Variants in EEA1 observed in about 807,000 individuals in gnomAD.
EEA1 encodes early endosome antigen 1, 162kD.
EEA1 carries 111 observed loss-of-function variants against 209.2 expected under a neutral mutation model. The ratio of observed to expected loss-of-function variants is 0.53; its 90% CI spans 0.45 to 0.62. The LOEUF (loss-of-function observed/expected upper bound fraction) is 0.62, where lower values mean the gene tolerates loss of function less well. EEA1 is among the 20% of genes least tolerant of loss of function. EEA1 has a pLI of 0.00. For synonymous variants in EEA1, 536 were observed against 540.6 expected (o/e 0.99, Z 0.12); for missense variants, 1,343 against 1,530.8 (o/e 0.88, Z 2.05).
intron 1 of EEA1, among the ~76,000 whole-genome samples, chr12:92,904,650 C>CCT (rs1016213357): frequency 1.3e-5 from 2 of 152,192 alleles, no homozygotes; most frequent in African/African-American, 4.8e-5. Context: ...TCACAACTCC[C>CCT]CTCCTCAGGT....
rs192101586 is a variant in EEA1, at chr12:92,851,691, A to G, written c.643-425T>C. The stretch of plus-strand genomic sequence containing the variant: ...TTTATATATTTATTGAGAGCTAAAT[A>G]AAGGAAAGAAAGTCAAGGACAGATC... On this transcript the variant is annotated intron_variant, in intron 8 of 28. Coordinates refer to ENST00000322349, the MANE Select transcript of EEA1 (RefSeq NM_003566.4). 1.1e-4 allele frequency among the ~76,000 whole-genome samples: 17 copies of G among 152,306 alleles called. No individual in the cohort carries two copies. In the Middle Eastern group the frequency reaches 0.01, roughly 91 times the overall value.
At position 92,850,122 on chromosome 12, in the gene EEA1, A is replaced by G. The variant is rs185107336; in HGVS notation, c.798+989T>C. ...TTTATCTTGGAAGAGAAATACTCCGAATAAATATGAGCAGTCTTCAAATAC... is the reference window on the plus strand; with the variant it reads ...TTTATCTTGGAAGAGAAATACTCCGGATAAATATGAGCAGTCTTCAAATAC... On this transcript the variant is annotated intron_variant, in intron 9 of 28. Coordinates refer to ENST00000322349, the MANE Select transcript of EEA1 (RefSeq NM_003566.4). 2.8e-3 allele frequency among the ~76,000 whole-genome samples: 430 copies of G among 152,370 alleles called. 2 individuals carry two copies. The highest frequency in any genetic ancestry group is 5.1e-3 in the Non-Finnish European group (347 of 68,040).
At chr12:92,902,947 T>C (rs1005776123) in intron 1 of EEA1, among the ~76,000 whole-genome samples, 1 of 151,406 alleles carries the variant, frequency 6.6e-6, no homozygotes, top group East Asian at 2.0e-4. Context: ...TTTTTTTTTT[T>C]TTTTTGAGAC....
intron 10 of EEA1, 93 bp downstream of exon 10, chr12:92,842,372 G>T: frequency 1.5e-6 from 1 of 668,722 alleles, no homozygotes; most frequent in Non-Finnish European, 2.6e-6. Flanking sequence ...AAGTCACATT[G>T]TACTATGCCA....
intron 21 of EEA1, 34 bp from the exon 22 acceptor site, chr12:92,788,083 C>A: frequency 1.4e-6 from 2 of 1,452,280 alleles, no homozygotes; most frequent in South Asian, 1.6e-5. Flanking sequence ...AAACAGTATG[C>A]ATTCCAAAAA....
chr12:92,888,941 G>C (rs1047711881), intron 2 of EEA1, among the ~76,000 whole-genome samples: 3 of 152,090 alleles, frequency 2.0e-5, no homozygotes, highest in Admixed American at 1.3e-4. Flanking sequence ...CTTGAGGTCA[G>C]AAGTTCGAGA....
At chr12:92,851,406 A>T in intron 8 of EEA1, 140 bp from the exon 9 acceptor site, 1 of 789,616 alleles carries the variant, frequency 1.3e-6, no homozygotes, top group Non-Finnish European at 2.0e-6. Context: ...TTGAACACTG[A>T]TATCTTCTCC....
intron 21 of EEA1, among the ~76,000 whole-genome samples, chr12:92,791,660 C>T (rs958992328): frequency 6.6e-6 from 1 of 152,082 alleles, no homozygotes; most frequent in Admixed American, 6.5e-5. Context: ...CCTAGACTCC[C>T]ACACAATAAT....
intron 1 of EEA1, chr12:92,905,500 G>T (rs1880342785): frequency 6.6e-6 from 1 of 151,966 alleles, no homozygotes; most frequent in Non-Finnish European, 1.5e-5. Context: ...AATCCCCTGG[G>T]GAGCCCAGGG....
chr12:92,912,776 A>G (rs1401662457), intron 1 of EEA1, among the ~76,000 whole-genome samples: 4 of 152,108 alleles, frequency 2.6e-5, no homozygotes, highest in African/African-American at 7.2e-5. Flanking sequence ...GCTCCCACTT[A>G]TAAGTGAGAA....
chr12:92,777,002 T>C lies in EEA1; in HGVS notation c.4015-60A>G, dbSNP rs950109181. 13 of 1,537,186 alleles carry C rather than the reference T, an allele frequency of 8.5e-6. No individual in the cohort carries two copies. The African/African-American group carries it at 1.8e-4, about 21-fold the overall frequency. On this transcript the variant is annotated intron_variant, in intron 27 of 28. Transcript: ENST00000322349. ...TTCAACATTTTAAAGAATGCTAGAT[T>C]ATTTCTAACTTGCTGCCAGAGTTCT...
intron 1 of EEA1, among the ~76,000 whole-genome samples, chr12:92,897,946 C>T (rs367888361): frequency 3.4e-4 from 51 of 152,184 alleles, no homozygotes; most frequent in Non-Finnish European, 6.3e-4. Context: ...TACAGTATGC[C>T]GTGAATATAA....
At chr12:92,893,548 G>T (rs931307581) in intron 1 of EEA1, among the ~76,000 whole-genome samples, 1 of 151,888 alleles carries the variant, frequency 6.6e-6, no homozygotes, top group Non-Finnish European at 1.5e-5. Context: ...TCCAAATAAG[G>T]ATGAATTCAT....
chr12:92,770,855 C>T lies in EEA1; in HGVS notation c.*5156G>A, dbSNP rs954453218. The T allele has an allele frequency of 2.0e-5, 3 of 152,216 alleles. No individual in the cohort carries two copies. The highest frequency in any genetic ancestry group is 7.2e-5 in the African/African-American group (3 of 41,552). 9.4% of individuals were successfully genotyped at this position (152,216 alleles called of 1,614,324 possible). A position where few individuals can be genotyped will look rare whatever the true frequency, so the allele number is the denominator to read the frequency against. ...GAAGAAAAAAAAAATCTGGCTTTCA[C>T]CAGTTAACACTTTTGCATGGCTTTT... On this transcript the variant is annotated 3_prime_UTR_variant, in exon 29 of 29. Transcript: ENST00000322349.
chr12:92,875,652 C>T (rs1407802335), intron 2 of EEA1, among the ~76,000 whole-genome samples: 1 of 152,132 alleles, frequency 6.6e-6, no homozygotes, highest in Non-Finnish European at 1.5e-5. Context: ...CATAAAAATG[C>T]AAATCAAATC....
At chr12:92,874,775 T>C (rs1045050023) in intron 2 of EEA1, among the ~76,000 whole-genome samples, 7 of 152,256 alleles carry the variant, frequency 4.6e-5, no homozygotes, top group African/African-American at 1.4e-4. Flanking sequence ...CTTGCTGGTA[T>C]TCTACCATGC....
At chr12:92,840,890 T>C (rs1325179364) in intron 10 of EEA1, among the ~76,000 whole-genome samples, 1 of 152,172 alleles carries the variant, frequency 6.6e-6, no homozygotes, top group Admixed American at 6.5e-5. Context: ...TATTAGGAGA[T>C]GGGGCATTTC....
intron 1 of EEA1, among the ~76,000 whole-genome samples, chr12:92,915,328 T>C (rs949355293): frequency 1.3e-5 from 2 of 152,000 alleles, no homozygotes; most frequent in Non-Finnish European, 2.9e-5. Context: ...AGTAGCCAGG[T>C]GTGCTGGTGT....
In EEA1 at chr12:92,774,994, A is replaced by T. The variant is rs1220888757; in HGVS notation, c.*1017T>A. 6.6e-6 allele frequency: 1 copy of T among 151,772 alleles called. No individual in the cohort carries two copies. Among genetic ancestry groups the T allele is most frequent in the Non-Finnish European group, 1.5e-5 (1 of 67,714 alleles). 9.4% of individuals were successfully genotyped at this position (151,772 alleles called of 1,614,324 possible). On this transcript the variant is annotated 3_prime_UTR_variant, in exon 29 of 29. Transcript: ENST00000322349. ...CTTTAAGATGCAAAATTATAAAACA[A>T]ATACATGAAGCTGATCTATGCTTGA... is the stretch of plus-strand genomic sequence containing the variant.
Sources: allele counts gnomAD v4.1 joint callset (sites outside exome capture counted in the v4.1 genomes callset), GRCh38; gene constraint gnomAD v4.1.1; transcripts MANE v1.5; gene names NCBI Gene and HGNC (gene_info 2026-07-23, HGNC 2026-07-21).